The following XPNPEP3 variants were observed in gnomAD, a reference collection of about 807,000 sequenced individuals.
XPNPEP3 encodes X-prolyl aminopeptidase 3.
A neutral mutation model predicts 60.0 loss-of-function variants in XPNPEP3; 41 were observed. The ratio of observed to expected loss-of-function variants is 0.68; its 90% CI spans 0.53 to 0.89. The LOEUF (loss-of-function observed/expected upper bound fraction) is 0.89, where lower values mean the gene tolerates loss of function less well. XPNPEP3 is among the 40% of genes least tolerant of loss of function. The pLI is 0.00. For synonymous variants in XPNPEP3, 212 were observed against 223.2 expected (o/e 0.95, Z 0.45); for missense variants, 598 against 638.9 (o/e 0.94, Z 0.69).
intron 1 of XPNPEP3, chr22:40,861,106 GCTT>G: frequency 5.0e-6 from 8 of 1,610,566 alleles, no homozygotes; most frequent in South Asian, 4.4e-5. Flanking sequence ...ACCTCTTTAC[GCTT>G]CTTTTTTTTC....
intron 1 of XPNPEP3, chr22:40,861,624 C>A (rs200920305): frequency 1.6e-5 from 26 of 1,613,658 alleles, no homozygotes; most frequent in Non-Finnish European, 2.2e-5. Flanking sequence ...ATAGGAGCTT[C>A]CTGGACGATT....
intron 7 of XPNPEP3, among the ~76,000 whole-genome samples, chr22:40,918,001 ACT>A (rs1210842865): frequency 2.4e-4 from 33 of 140,246 alleles, no homozygotes; most frequent in Middle Eastern, 3.5e-3. Context: ...GCAGAGTGAG[ACT>A]CTGTCTAAAA....
At chr22:40,904,234 C>T (rs774657426) in intron 4 of XPNPEP3, among the ~76,000 whole-genome samples, 1 of 152,130 alleles carries the variant, frequency 6.6e-6, no homozygotes, top group Non-Finnish European at 1.5e-5. Flanking sequence ...AACTGCATAT[C>T]ATGTGTACCT....
At chr22:40,923,638 G>A (rs972412512) in intron 8 of XPNPEP3, among the ~76,000 whole-genome samples, 6 of 152,066 alleles carry the variant, frequency 3.9e-5, no homozygotes, top group African/African-American at 1.2e-4. Context: ...GATCACATGA[G>A]GTCAGGAGTT....
At chr22:40,860,847 C>T in intron 1 of XPNPEP3, 1 of 650,360 alleles carries the variant, frequency 1.5e-6, no homozygotes, top group Non-Finnish European at 2.5e-6. Flanking sequence ...GAAAAGATCT[C>T]ACTATACTGC....
intron 9 of XPNPEP3, 112 bp from the exon 10 acceptor site, chr22:40,926,156 TA>T: frequency 8.9e-7 from 1 of 1,119,630 alleles, no homozygotes; most frequent in Non-Finnish European, 1.4e-6. Flanking sequence ...GTAGGTACCA[TA>T]AAGATCCAGT....
At chr22:40,913,236 C>T (rs566063599) in intron 6 of XPNPEP3, among the ~76,000 whole-genome samples, 19 of 151,818 alleles carry the variant, frequency 1.3e-4, no homozygotes, top group South Asian at 1.2e-3. Flanking sequence ...TTTGGGAGGC[C>T]GAGGCAGGCG....
At chr22:40,872,924 T>C (rs1386039351) in intron 2 of XPNPEP3, among the ~76,000 whole-genome samples, 2 of 152,070 alleles carry the variant, frequency 1.3e-5, no homozygotes, top group Non-Finnish European at 2.9e-5. Flanking sequence ...GTGGAATTCC[T>C]AATGAAGCAT....
At chr22:40,913,157 T>G (rs925325761) in intron 6 of XPNPEP3, among the ~76,000 whole-genome samples, 2 of 151,964 alleles carry the variant, frequency 1.3e-5, no homozygotes, top group African/African-American at 4.8e-5. Flanking sequence ...TTTCCCCACA[T>G]GTATTATGAT....
At chr22:40,921,558 A>G (rs2146280218) in intron 7 of XPNPEP3, among the ~76,000 whole-genome samples, 1 of 151,892 alleles carries the variant, frequency 6.6e-6, no homozygotes, top group African/African-American at 2.4e-5. Context: ...GGGTATGGGT[A>G]CATTATGCTG....
At chr22:40,869,727 C>G (rs1013863048) in intron 2 of XPNPEP3, among the ~76,000 whole-genome samples, 1 of 152,036 alleles carries the variant, frequency 6.6e-6, no homozygotes, top group Non-Finnish European at 1.5e-5. Context: ...CAGAAGATGT[C>G]TTATAACTAT....
intron 4 of XPNPEP3, among the ~76,000 whole-genome samples, chr22:40,902,941 G>A (rs1335224307): frequency 1.3e-5 from 2 of 152,158 alleles, no homozygotes; most frequent in African/African-American, 2.4e-5. Flanking sequence ...TGAATGCCCA[G>A]AACACCTCAG....
Position 40,926,947 on chromosome 22 carries a change from A to T in XPNPEP3, c.*512A>T. Reference sequence around the variant, plus strand: ...TACATACCTTCTGTAACTCCTCCCTACCTATTCTAGATCCTGCATATCTAC... The same window carrying T: ...TACATACCTTCTGTAACTCCTCCCTTCCTATTCTAGATCCTGCATATCTAC... On this transcript the variant is annotated 3_prime_UTR_variant, in exon 10 of 10. Coordinates refer to ENST00000357137, the MANE Select transcript of XPNPEP3 (RefSeq NM_022098.4). 4.8e-6 allele frequency: 1 copy of T among 207,034 alleles called. No individual in the cohort carries two copies. The highest frequency in any genetic ancestry group is 9.9e-6 in the Non-Finnish European group (1 of 101,072). 12.8% of individuals were successfully genotyped at this position (207,034 alleles called of 1,614,324 possible).
intron 4 of XPNPEP3, chr22:40,888,355 C>T (rs1261616654): frequency 2.5e-6 from 1 of 394,390 alleles, no homozygotes; most frequent in South Asian, 1.8e-5. Flanking sequence ...GTGATCCTCC[C>T]ACCTTAGCCT....
intron 4 of XPNPEP3, among the ~76,000 whole-genome samples, chr22:40,901,263 A>G (rs1485343426): frequency 7.9e-6 from 1 of 126,936 alleles, no homozygotes; most frequent in Non-Finnish European, 1.6e-5. Context: ...ATGGAGTTTC[A>G]CTCTTCTCTC....
chr22:40,924,128 G>A (rs2058226250), intron 8 of XPNPEP3, among the ~76,000 whole-genome samples: 1 of 152,120 alleles, frequency 6.6e-6, no homozygotes, highest in South Asian at 2.1e-4. Flanking sequence ...CATGTATGTA[G>A]TATATTAAAT....
chr22:40,859,999 A>G (rs1417420201), intron 1 of XPNPEP3: 2 of 152,220 alleles, frequency 1.3e-5, no homozygotes, highest in African/African-American at 2.4e-5. Flanking sequence ...TGAGGAATTC[A>G]GGATAAGACT....
chr22:40,900,465 G>A (rs924922053), intron 4 of XPNPEP3, among the ~76,000 whole-genome samples: 2 of 151,880 alleles, frequency 1.3e-5, no homozygotes, highest in African/African-American at 2.4e-5. Context: ...AATTAGCCAG[G>A]CATGGTGGCG....
Position 40,926,747 on chromosome 22 carries a change from T to A in XPNPEP3, c.*312T>A. The A allele has an allele frequency of 2.5e-6, 1 of 397,224 alleles. No homozygotes were observed. Among genetic ancestry groups the A allele is most frequent in the East Asian group, 5.8e-5 (1 of 17,144 alleles). The allele number at this position is 397,224 out of a possible 1,614,324, so 24.6% of individuals were successfully genotyped here. A position where few individuals can be genotyped will look rare whatever the true frequency, so the allele number is the denominator to read the frequency against. On this transcript the variant is annotated 3_prime_UTR_variant, in exon 10 of 10. Transcript: ENST00000357137. Reference sequence around the variant, plus strand: ...GTTACACATGTCCATGCATTCCAGTTAACACATTTAAACATATAGAAAATT... The same window carrying A: ...GTTACACATGTCCATGCATTCCAGTAAACACATTTAAACATATAGAAAATT...
Sources: allele counts gnomAD v4.1 joint callset (sites outside exome capture counted in the v4.1 genomes callset), GRCh38; gene constraint gnomAD v4.1.1; transcripts MANE v1.5; gene names NCBI Gene and HGNC (gene_info 2026-07-23, HGNC 2026-07-21).